Variants in CNN2 observed in about 807,000 individuals in gnomAD.
The protein encoded by CNN2 is calponin-2.
Under a neutral mutation model 31.0 loss-of-function variants are expected in CNN2, and 21 were observed. That is an observed-to-expected ratio of 0.68 (90% CI 0.48 to 0.98). The LOEUF is 0.98. CNN2 is among the 50% of genes least tolerant of loss of function. The probability of loss-of-function intolerance (pLI) is 0.00; values close to 1 mark genes in which losing one functional copy is unlikely to be tolerated. For synonymous variants in CNN2, 165 were observed against 179.6 expected (o/e 0.92, Z 0.65); for missense variants, 399 against 427.3 (o/e 0.93, Z 0.58).
At position 1,031,100 on chromosome 19, in the gene CNN2, G is replaced by A; in HGVS notation, c.93G>A (p.Glu31=). Residue 31 remains glutamate (E), a synonymous_variant, in exon 2 of 7, where the codon GAG becomes GAA. Coordinates refer to ENST00000263097, the MANE Select transcript of CNN2 (RefSeq NM_004368.4). Reference sequence around the variant, plus strand: ...TGTCCAAATATGACCCCCAGAAGGAGGCAGAGCTCCGCACCTGGATCGAGG... The same window carrying A: ...TGTCCAAATATGACCCCCAGAAGGAAGCAGAGCTCCGCACCTGGATCGAGG... ...RLLSKYDPQK[E]AELRTWIEGL... is the part of the protein sequence containing the mutation. 1 of 1,613,260 alleles carries A rather than the reference G, an allele frequency of 6.2e-7. No homozygotes were observed. The highest frequency in any genetic ancestry group is 8.5e-7 in the Non-Finnish European group (1 of 1,179,832).
chr19:1,031,551 C>G (rs113772652), intron 2 of CNN2, among the ~76,000 whole-genome samples: 2 of 102,640 alleles, frequency 1.9e-5, no homozygotes, highest in Admixed American at 1.2e-4. Flanking sequence ...GGTGACACAG[C>G]GAGACTCCAT....
chr19:1,036,598 T>G, intron 6 of CNN2, 36 bp downstream of exon 6: 1 of 1,613,184 alleles, frequency 6.2e-7, no homozygotes, highest in Non-Finnish European at 8.5e-7. Context: ...CTCCTCTCCC[T>G]GCCCCTCTAC....
chr19:1,032,827 G>A (rs1023323688), intron 4 of CNN2, 131 bp downstream of exon 4: 63 of 708,778 alleles, frequency 8.9e-5, no homozygotes, highest in Middle Eastern at 7.7e-4. Flanking sequence ...CACTCAGGCT[G>A]GAGTGCAATG....
rs370971772 is a variant in CNN2, at chr19:1,036,376, G to T, written c.508-40G>T. The T allele has an allele frequency of 1.9e-5, 30 of 1,603,916 alleles. No homozygotes were observed. In the Admixed American group the frequency reaches 4.5e-4, roughly 24 times the overall value. ...AATTTCAGGGAGGGACCGGAAGCTT[G>T]TTGGGTGCAGTCTGACCTCTCCCAC... is the stretch of plus-strand genomic sequence containing the variant. On this transcript the variant is annotated intron_variant, in intron 5 of 6. Coordinates refer to ENST00000263097, the MANE Select transcript of CNN2 (RefSeq NM_004368.4).
Position 1,030,919 on chromosome 19 carries a change from G to A in CNN2, c.64-152G>A, listed in dbSNP as rs559193959. On this transcript the variant is annotated intron_variant, in intron 1 of 6. Coordinates refer to ENST00000263097, the MANE Select transcript of CNN2 (RefSeq NM_004368.4). ...GCGCCCCCAATGATGGGAAAAGGGA[G>A]CATCTGCGTGGGTGTGGTGAGGGGG... 13 of 958,050 alleles carry A rather than the reference G, an allele frequency of 1.4e-5. No homozygotes were observed. In the African/African-American group the frequency reaches 2.0e-4, roughly 15 times the overall value. The allele number at this position is 958,050 out of a possible 1,614,324, so 59.3% of individuals were successfully genotyped here.
Position 1,038,080 on chromosome 19 carries a change from C to G in CNN2, c.*180C>G. On this transcript the variant is annotated 3_prime_UTR_variant, in exon 7 of 7. Coordinates refer to ENST00000263097, the MANE Select transcript of CNN2 (RefSeq NM_004368.4). Reference sequence around the variant, plus strand: ...TTTTCCCCTTTGCCTTGATCCTTCGCAAGGCTGAGCCACTGGGCTGTGGGG... The same window carrying G: ...TTTTCCCCTTTGCCTTGATCCTTCGGAAGGCTGAGCCACTGGGCTGTGGGG... 1 of 646,468 alleles carries G rather than the reference C, an allele frequency of 1.5e-6. No homozygotes were observed. 40.0% of individuals were successfully genotyped at this position (646,468 alleles called of 1,614,324 possible).
chr19:1,035,450 G>T (rs1417683213), intron 4 of CNN2, among the ~76,000 whole-genome samples: 1 of 152,110 alleles, frequency 6.6e-6, no homozygotes, highest in African/African-American at 2.4e-5. Context: ...GAGGAGCCGG[G>T]CGCAGACATC....
Position 1,036,461 on chromosome 19 carries a change from G to A in CNN2, c.553G>A (p.Gly185Ser), listed in dbSNP as rs148071782. 1.1e-5 allele frequency: 17 copies of A among 1,612,998 alleles called. No homozygotes were observed. The highest frequency in any genetic ancestry group is 2.2e-5 in the East Asian group (1 of 44,880). ...CAGCCAGTCGGGCATGACTGCCTACGGCACGAGAAGGCATCTCTATGACCC... is the reference window on the plus strand; with the variant it reads ...CAGCCAGTCGGGCATGACTGCCTACAGCACGAGAAGGCATCTCTATGACCC... Reference protein sequence around the residue: ...CASQSGMTAYGTRRHLYDPKN... With the variant: ...CASQSGMTAYSTRRHLYDPKN... The change falls in exon 6 of 7, where the codon GGC becomes AGC. Residue 185 changes from glycine (G) to serine (S), a missense_variant. Transcript: ENST00000263097.
At chr19:1,035,577 C>T (rs2039568287) in intron 4 of CNN2, among the ~76,000 whole-genome samples, 1 of 152,150 alleles carries the variant, frequency 6.6e-6, no homozygotes. Flanking sequence ...GAATTCTTGG[C>T]CTGAGCCCTG....
chr19:1,029,708 C>CT (rs111505014), intron 1 of CNN2, among the ~76,000 whole-genome samples: 39,602 of 146,044 alleles, frequency 0.27, 8,015 homozygotes, highest in African/African-American at 0.58. Flanking sequence ...TCTTTTCTTT[C>CT]TTTTTTTTTT....
chr19:1,036,829 CTT>C, intron 6 of CNN2: 3 of 547,508 alleles, frequency 5.5e-6, no homozygotes, highest in Non-Finnish European at 9.8e-6. Flanking sequence ...CCACCCAATT[CTT>C]TTTTTTTAAT....
chr19:1,037,057 C>T (rs1254764972), intron 6 of CNN2: 2 of 221,304 alleles, frequency 9.0e-6, no homozygotes, highest in South Asian at 5.2e-5. Context: ...GGGGTTTCAC[C>T]ATGTTGCCCA....
intron 1 of CNN2, chr19:1,027,119 G>A (rs2039411935): frequency 5.5e-6 from 1 of 182,194 alleles, no homozygotes; most frequent in Non-Finnish European, 1.2e-5. Flanking sequence ...CAGCAACCCC[G>A]TCATCTCCTG....
In CNN2 at chr19:1,037,930, T is replaced by A; in HGVS notation, c.*30T>A. 6.6e-7 allele frequency: 1 copy of A among 1,517,552 alleles called. No individual in the cohort carries two copies. Among genetic ancestry groups the A allele is most frequent in the South Asian group, 1.3e-5 (1 of 77,188 alleles). 94.0% of individuals were successfully genotyped at this position (1,517,552 alleles called of 1,614,324 possible). On this transcript the variant is annotated 3_prime_UTR_variant, in exon 7 of 7. Coordinates refer to ENST00000263097, the MANE Select transcript of CNN2 (RefSeq NM_004368.4). ...CCCAGCACGCTCTCTCCCCACATCG[T>A]CTGCCCATCTGGGTTTTTGGGTTTT...
In CNN2 at chr19:1,026,666, G is replaced by A. The variant is rs2144610296; in HGVS notation, c.5G>A (p.Ser2Asn). ...CCCGCCGCCCGCCCGCCAGCCATGAGCTCCACGCAGTTCAACAAGGGCCCC... is the reference window on the plus strand; with the variant it reads ...CCCGCCGCCCGCCCGCCAGCCATGAACTCCACGCAGTTCAACAAGGGCCCC... M[S>N]STQFNKGPSY... The change falls in exon 1 of 7, where the codon AGC (serine) becomes AAC (asparagine). Residue 2 changes from serine to asparagine, a missense_variant. By Grantham distance (46) the Ser-to-Asn change is conservative (BLOSUM62 1). Transcript: ENST00000263097. 1.3e-6 allele frequency: 2 copies of A among 1,545,672 alleles called. No individual in the cohort carries two copies. Among genetic ancestry groups the A allele is most frequent in the East Asian group, 2.5e-5 (1 of 40,122 alleles).
At chr19:1,032,234 CAAA>C (rs59436549) in intron 2 of CNN2, among the ~76,000 whole-genome samples, 155 bp from the exon 3 acceptor site, 4 of 96,664 alleles carry the variant, frequency 4.1e-5, no homozygotes, top group Admixed American at 1.1e-4. Flanking sequence ...GACGCCGTCT[CAAA>C]AAAAAAAAAA....
chr19:1,035,097 T>C lies in CNN2; in HGVS notation c.391-1033T>C, dbSNP rs143758264. ...TACCGGGAGCGTGGGTGGGACACGG[T>C]GTCTGGTGTAGACGGGGAGCGTGGG... is the stretch of plus-strand genomic sequence containing the variant. On this transcript the variant is annotated intron_variant, in intron 4 of 6. Coordinates refer to ENST00000263097, the MANE Select transcript of CNN2 (RefSeq NM_004368.4). Among the ~76,000 whole-genome samples the C allele has an allele frequency of 4.6e-5, 6 of 130,718 alleles. 1 individual carries two copies. The highest frequency in any genetic ancestry group is 1.6e-4 in the African/African-American group (5 of 30,900). 85.8% of individuals were successfully genotyped at this position (130,718 alleles called of 152,430 possible).
intron 1 of CNN2, among the ~76,000 whole-genome samples, chr19:1,027,795 G>C (rs879469269): frequency 3.3e-5 from 5 of 152,140 alleles, no homozygotes; most frequent in South Asian, 2.1e-4. Flanking sequence ...TTCTGCAGGG[G>C]AAACTGCCTC....
At chr19:1,031,684 G>A (rs1018250093) in intron 2 of CNN2, among the ~76,000 whole-genome samples, 92 of 146,414 alleles carry the variant, frequency 6.3e-4, no homozygotes, top group Admixed American at 3.0e-3. Flanking sequence ...GCATGATCTC[G>A]GCTCACTGCA....
Sources: gnomAD v4.1 joint callset for allele counts (sites outside exome capture counted in the v4.1 genomes callset) on GRCh38, gnomAD v4.1.1 for gene constraint, MANE v1.5 for transcripts, NCBI Gene and HGNC (gene_info 2026-07-23, HGNC 2026-07-21) for gene names.